Variants in RNF125 observed in about 807,000 individuals in gnomAD.
RNF125 encodes the protein E3 ubiquitin-protein ligase RNF125.
A neutral mutation model predicts 26.0 loss-of-function variants in RNF125; 21 were observed. The ratio of observed to expected loss-of-function variants is 0.81; its 90% confidence interval spans 0.57 to 1.16. The LOEUF is 1.16. Among genes scored for constraint, RNF125 ranks in the 50% most tolerant of loss-of-function variants. The pLI is 0.00. For missense variants in RNF125, 270 were observed against 299.4 expected (o/e 0.90, Z 0.72); for synonymous variants, 95 against 109.2 (o/e 0.87, Z 0.81).
At chr18:32,081,756 A>G in the RNF125 span, among the ~76,000 whole-genome samples, 2 of 152,166 alleles carry the variant, frequency 1.3e-5, no homozygotes, top group Non-Finnish European at 2.9e-5. Flanking sequence ...TCTCTGTTCA[A>G]ATTATTGTGT....
chr18:32,065,360 C>T (rs991692594), intron 4 of RNF125, among the ~76,000 whole-genome samples: 2 of 152,164 alleles, frequency 1.3e-5, no homozygotes, highest in Non-Finnish European at 2.9e-5. Flanking sequence ...GCCTCAGCCT[C>T]CTGAGTGGCT....
chr18:32,044,762 TC>T (rs2039251995), intron 3 of RNF125, among the ~76,000 whole-genome samples: 1 of 152,204 alleles, frequency 6.6e-6, no homozygotes, highest in African/African-American at 2.4e-5. Flanking sequence ...TTATTTGTTT[TC>T]CAACTTCACT....
At chr18:32,045,076 C>G (rs1352083443) in intron 3 of RNF125, among the ~76,000 whole-genome samples, 1 of 151,024 alleles carries the variant, frequency 6.6e-6, no homozygotes, top group Admixed American at 6.6e-5. Context: ...CAAGATTGCA[C>G]CACTGCACTC....
In RNF125 at chr18:32,065,926, C is replaced by A; in HGVS notation, c.529C>A (p.Pro177Thr). 6.2e-7 allele frequency: 1 copy of A among 1,613,030 alleles called. No individual in the cohort carries two copies. The highest frequency in any genetic ancestry group is 2.2e-5 in the East Asian group (1 of 44,862). Residue 177 changes from proline (P) to threonine (T), a missense_variant, in exon 5 of 6, where the codon CCC becomes ACC. Pro to Thr is a conservative substitution (Grantham distance 38, BLOSUM62 -1). Coordinates refer to ENST00000217740, the MANE Select transcript of RNF125 (RefSeq NM_017831.4). ...GTTCTGTCCACTTTGCCGTTTAATA[C>A]CCGATGAGAATCCAAGCAGCTTCAG... The part of the protein sequence containing the change: ...PVFCPLCRLI[P>T]DENPSSFSGS...
intron 4 of RNF125, among the ~76,000 whole-genome samples, chr18:32,053,129 G>A (rs753443462): frequency 3.3e-5 from 5 of 152,164 alleles, no homozygotes; most frequent in African/African-American, 1.2e-4. Flanking sequence ...TCGGGAGGCC[G>A]AGGCAGGGAG....
chr18:32,074,034 C>G (rs541223232), downstream of RNF125, among the ~76,000 whole-genome samples: 1 of 152,080 alleles, frequency 6.6e-6, no homozygotes, highest in Admixed American at 6.5e-5. Context: ...AGAAGCCCAA[C>G]GAAGGAGAAT....
intron 4 of RNF125, among the ~76,000 whole-genome samples, chr18:32,054,147 G>A (rs915336266): frequency 3.8e-4 from 54 of 143,572 alleles, no homozygotes; most frequent in African/African-American, 1.0e-3. Context: ...AGGCTGGAGC[G>A]CAGTGGCGTG....
downstream of RNF125, among the ~76,000 whole-genome samples, chr18:32,077,381 A>G (rs543242803): frequency 3.1e-4 from 42 of 135,318 alleles, no homozygotes; most frequent in African/African-American, 9.3e-4. Flanking sequence ...CCAACACTTA[A>G]GACGGAGTCT....
At chr18:32,051,434 T>C (rs2039326262) in intron 4 of RNF125, among the ~76,000 whole-genome samples, 1 of 151,692 alleles carries the variant, frequency 6.6e-6, no homozygotes, top group Non-Finnish European at 1.5e-5. Flanking sequence ...CTGGCCAACA[T>C]GGCAAAACCC....
chr18:32,032,338 A>C (rs1015014559), intron 1 of RNF125, among the ~76,000 whole-genome samples: 1 of 149,060 alleles, frequency 6.7e-6, no homozygotes, highest in Non-Finnish European at 1.5e-5. Context: ...TCAGCCTCCC[A>C]AAGTGTTAGG....
Sources: gnomAD v4.1 joint callset for allele counts (sites outside exome capture counted in the v4.1 genomes callset) on GRCh38, gnomAD v4.1.1 for gene constraint, MANE v1.5 for transcripts, NCBI Gene and HGNC (gene_info 2026-07-23, HGNC 2026-07-21) for gene names.